The following CREB3L1 variants were observed in gnomAD, a reference collection of about 807,000 sequenced individuals.
The protein encoded by CREB3L1 is cAMP responsive element binding protein 3 like 1, also known as cyclic AMP-responsive element-binding protein 3-like protein 1.
In CREB3L1, 33 loss-of-function variants were observed where a neutral mutation model predicts 54.5. The ratio of observed to expected loss-of-function variants is 0.61; its 90% CI spans 0.46 to 0.81. The LOEUF is 0.81. Among genes scored for constraint, CREB3L1 ranks in the 30% least tolerant of loss-of-function variants. CREB3L1 has a pLI of 0.00. For missense variants in CREB3L1, 656 were observed against 673.3 expected (o/e 0.97, Z 0.29); for synonymous variants, 284 against 286.4 (o/e 0.99, Z 0.08).
chr11:46,282,112 C>G (rs11038850), intron 1 of CREB3L1, among the ~76,000 whole-genome samples: 127 of 152,148 alleles, frequency 8.3e-4, no homozygotes, highest in Non-Finnish European at 1.3e-3. Flanking sequence ...GCCTAACAAC[C>G]GTTGATGAAT....
Position 46,280,219 on chromosome 11 carries a change from G to T in CREB3L1, c.102+2006G>T, listed in dbSNP as rs371120557. Among the ~76,000 whole-genome samples the T allele has an allele frequency of 1.4e-4, 19 of 133,482 alleles. No individual in the cohort carries two copies. The East Asian group carries it at 3.3e-3, about 23-fold the overall frequency. The allele number at this position is 133,482 out of a possible 152,430, so 87.6% of individuals were successfully genotyped here. A position where few individuals can be genotyped will look rare whatever the true frequency, so the allele number is the denominator to read the frequency against. On this transcript the variant is annotated intron_variant, in intron 1 of 11. Coordinates refer to ENST00000621158, the MANE Select transcript of CREB3L1 (RefSeq NM_052854.4). ...TTTGTTTTTTTTCAGACGGAGTCTT[G>T]CTCTGTCGCCCAGGCTGGAGTGCAG... is the stretch of plus-strand genomic sequence containing the variant.
At chr11:46,281,085 C>T (rs12284298) in intron 1 of CREB3L1, among the ~76,000 whole-genome samples, 82,186 of 151,986 alleles carry the variant, frequency 0.54, 23,462 homozygotes, top group African/African-American at 0.73. Flanking sequence ...GCTGGGCTGC[C>T]TTATTTTTCT....
chr11:46,282,805 G>A (rs1219792956), intron 1 of CREB3L1, among the ~76,000 whole-genome samples: 1 of 152,132 alleles, frequency 6.6e-6, no homozygotes, highest in East Asian at 1.9e-4. Context: ...TTTGTGCATT[G>A]ACATAAACCT....
At chr11:46,288,505 C>A (rs1388976634) in intron 1 of CREB3L1, among the ~76,000 whole-genome samples, 1 of 152,218 alleles carries the variant, frequency 6.6e-6, no homozygotes. Context: ...GCAGGAATAT[C>A]CCACCTTGTC....
chr11:46,277,901 A>G lies in CREB3L1; in HGVS notation c.-211A>G. 2.6e-6 allele frequency: 1 copy of G among 383,380 alleles called. No individual in the cohort carries two copies. 23.7% of individuals were successfully genotyped at this position (383,380 alleles called of 1,614,324 possible). On this transcript the variant is annotated 5_prime_UTR_variant, in exon 1 of 12. Transcript: ENST00000621158. The stretch of plus-strand genomic sequence containing the variant: ...CGGTGCGCCCGGGGCCCCTGAGCCC[A>G]TCCCGCTCCTAGCCGCTGCCCTAAG...
Position 46,312,444 on chromosome 11 carries a change from G to T in CREB3L1, c.873G>T (p.Leu291Phe). 6.2e-7 allele frequency: 1 copy of T among 1,613,870 alleles called. No homozygotes were observed. The highest frequency in any genetic ancestry group is 2.2e-5 in the East Asian group (1 of 44,884). Residue 291 changes from leucine to phenylalanine, a missense_variant, in exon 6 of 12, where the codon TTG becomes TTT. By Grantham distance (22) the Leu-to-Phe change is conservative. This residue lies in a region of CREB3L1 where 77 missense variants were observed against 122.0 expected (regional missense o/e 0.63). Transcript: ENST00000621158. ...TCACCAAAGCCGAGGAGAAGGCCTT[G>T]AAGAGAGTCCGGAGGAAAATCAAGA... ...LPLTKAEEKA[L>F]KRVRRKIKNK...
At chr11:46,286,485 G>T (rs992538417) in intron 1 of CREB3L1, among the ~76,000 whole-genome samples, 3 of 152,130 alleles carry the variant, frequency 2.0e-5, no homozygotes, top group African/African-American at 7.2e-5. Context: ...ATTAATACAT[G>T]GAAACTTACC....
chr11:46,318,053 C>T (rs1252855688), intron 10 of CREB3L1, among the ~76,000 whole-genome samples: 1 of 152,158 alleles, frequency 6.6e-6, no homozygotes, highest in Non-Finnish European at 1.5e-5. Context: ...CTCGTCTCTA[C>T]TAAAAATACA....
chr11:46,309,889 G>A (rs1939458453), intron 3 of CREB3L1, 100 bp from the exon 4 acceptor site: 1 of 918,548 alleles, frequency 1.1e-6, no homozygotes, highest in Non-Finnish European at 1.7e-6. Context: ...TTCCCCAACT[G>A]TGCAGGGCAG....
intron 5 of CREB3L1, 109 bp from the exon 6 acceptor site, chr11:46,312,216 G>A (rs902818967): frequency 3.8e-5 from 34 of 891,520 alleles, no homozygotes; most frequent in Non-Finnish European, 5.6e-5. Context: ...GGAAACTGAG[G>A]CATAGAGCAT....
At position 46,320,892 on chromosome 11, in the gene CREB3L1, C is replaced by G. The variant is rs1397133222; in HGVS notation, c.*146C>G. The G allele has an allele frequency of 5.8e-6, 5 of 865,542 alleles. No individual in the cohort carries two copies. The African/African-American group carries it at 8.4e-5, about 14-fold the overall frequency. The allele number at this position is 865,542 out of a possible 1,614,324, so 53.6% of individuals were successfully genotyped here. On this transcript the variant is annotated 3_prime_UTR_variant, in exon 12 of 12. Coordinates refer to ENST00000621158, the MANE Select transcript of CREB3L1 (RefSeq NM_052854.4). ...GCTCCACTTCCCAGCCCTTCCTTGC[C>G]CCTGACATTTGGACTCTTCCCTTGG...
At chr11:46,306,335 TCTACAAAAAAATACAAAAATTAG>T (rs1939396311) in intron 2 of CREB3L1, among the ~76,000 whole-genome samples, 1 of 151,806 alleles carries the variant, frequency 6.6e-6, no homozygotes, top group South Asian at 2.1e-4. Flanking sequence ...GGGCAACATC[TCTACAAAAAAATACAAAAATTAG>T]CTGGGCATGG....
At chr11:46,286,147 G>T (rs1316701329) in intron 1 of CREB3L1, among the ~76,000 whole-genome samples, 2 of 152,204 alleles carry the variant, frequency 1.3e-5, no homozygotes, top group African/African-American at 4.8e-5. Context: ...CCTAGGTACA[G>T]CTATAATGAC....
Position 46,300,276 on chromosome 11 carries a change from A to C in CREB3L1, c.331+113A>C, listed in dbSNP as rs12286778. On this transcript the variant is annotated intron_variant, in intron 2 of 11. Coordinates refer to ENST00000621158, the MANE Select transcript of CREB3L1 (RefSeq NM_052854.4). ...GCCTGAGACTCCCAGAGGCTCCAAG[A>C]GGAGCCACCACAAACCCCTTAGGAG... 149,379 of 783,882 alleles carry C rather than the reference A, an allele frequency of 0.19. 15,260 individuals carry two copies. The highest frequency in any genetic ancestry group is 0.29 in the African/African-American group (16,481 of 57,420). The allele number at this position is 783,882 out of a possible 1,614,324, so 48.6% of individuals were successfully genotyped here.
intron 10 of CREB3L1, 53 bp downstream of exon 10, chr11:46,317,540 G>A (rs746385019): frequency 8.2e-6 from 13 of 1,594,988 alleles, no homozygotes; most frequent in Non-Finnish European, 1.1e-5. Context: ...CCCTGCCCCA[G>A]CCCCAGTGTC....
At chr11:46,310,102 C>T in intron 4 of CREB3L1, 35 bp downstream of exon 4, 1 of 1,449,424 alleles carries the variant, frequency 6.9e-7, no homozygotes, top group Non-Finnish European at 9.5e-7. Context: ...CTTTTCCCCT[C>T]CAGTCATAGG....
chr11:46,320,533 G>A lies in CREB3L1; in HGVS notation c.1523+5G>A. 1 of 1,568,314 alleles carries A rather than the reference G, an allele frequency of 6.4e-7. No individual in the cohort carries two copies. Among genetic ancestry groups the A allele is most frequent in the Non-Finnish European group, 8.7e-7 (1 of 1,155,672 alleles). ...CAAGGAGTGGTTCCACGACAGGTGGGGTGTGTGGCCCCTTTCCCTCCTGAG... is the reference window on the plus strand; with the variant it reads ...CAAGGAGTGGTTCCACGACAGGTGGAGTGTGTGGCCCCTTTCCCTCCTGAG... On this transcript the variant is annotated splice_donor_5th_base_variant and intron_variant, in intron 11 of 11. Transcript: ENST00000621158.
At chr11:46,280,203 T>C (rs1693439381) in intron 1 of CREB3L1, among the ~76,000 whole-genome samples, 1 of 151,272 alleles carries the variant, frequency 6.6e-6, no homozygotes, top group African/African-American at 2.4e-5. Context: ...TTTTGTTTTT[T>C]TTCAGACGGA....
intron 8 of CREB3L1, chr11:46,315,352 G>C (rs76244216): frequency 0.097 from 20,991 of 216,176 alleles, 1,283 homozygotes; most frequent in Middle Eastern, 0.19. Flanking sequence ...CTACGTGCCC[G>C]TTTGGGTGGA....
Sources: gnomAD v4.1 joint callset for allele counts (sites outside exome capture counted in the v4.1 genomes callset) on GRCh38, gnomAD v4.1.1 for gene constraint, gnomAD v4.1.1 regional missense constraint, MANE v1.5 for transcripts, NCBI Gene and HGNC (gene_info 2026-07-23, HGNC 2026-07-21) for gene names.